RAD52: variants seen among roughly 807,000 people sequenced by gnomAD.
RAD52 encodes the protein RAD52 DNA repair protein.
In RAD52, 47 loss-of-function variants were observed where a neutral mutation model predicts 55.5. The ratio of observed to expected loss-of-function variants is 0.85; its 90% confidence interval spans 0.67 to 1.08. The LOEUF is 1.08. Among genes scored for constraint, RAD52 ranks in the 50% least tolerant of loss-of-function variants. The probability of loss-of-function intolerance (pLI) is 0.00; values close to 1 mark genes in which losing one functional copy is unlikely to be tolerated. For missense variants in RAD52, 468 were observed against 522.8 expected (o/e 0.90, Z 1.02); for synonymous variants, 184 against 198.9 (o/e 0.92, Z 0.63).
chr12:917,099 G>C (rs1956434144), intron 7 of RAD52, among the ~76,000 whole-genome samples: 1 of 152,170 alleles, frequency 6.6e-6, no homozygotes, highest in Non-Finnish European at 1.5e-5. Flanking sequence ...GTCTGTCTTT[G>C]CTGCCTCCTT....
chr12:944,608 TAAAAAAA>T (rs778682036), intron 1 of RAD52, among the ~76,000 whole-genome samples: 8 of 93,568 alleles, frequency 8.5e-5, no homozygotes, highest in African/African-American at 2.2e-4. Context: ...AAAAACATGG[TAAAAAAA>T]AAAAAAAAAA....
In RAD52 at chr12:913,359, G is replaced by A; in HGVS notation, c.*32C>T. 6.6e-7 allele frequency: 1 copy of A among 1,525,256 alleles called. No homozygotes were observed. Among genetic ancestry groups the A allele is most frequent in the Admixed American group, 1.9e-5 (1 of 53,304 alleles). The allele number at this position is 1,525,256 out of a possible 1,614,324, so 94.5% of individuals were successfully genotyped here. On this transcript the variant is annotated 3_prime_UTR_variant, in exon 12 of 12. Coordinates refer to ENST00000358495, the MANE Select transcript of RAD52 (RefSeq NM_134424.4). ...AAGTAGTTTTCCAAAGTCCCTTTGT[G>A]ACAGAGTCCAATTATGTGGCCTGAG... is the stretch of plus-strand genomic sequence containing the variant.
At chr12:941,352 CT>C (rs1367497076) in intron 1 of RAD52, among the ~76,000 whole-genome samples, 1 of 152,048 alleles carries the variant, frequency 6.6e-6, no homozygotes, top group African/African-American at 2.4e-5. Flanking sequence ...GAGTTTCACT[CT>C]TGTTGCCCAG....
chr12:985,524 TACC>T (rs1021970405), intron 1 of RAD52, among the ~76,000 whole-genome samples: 80 of 152,354 alleles, frequency 5.3e-4, no homozygotes, highest in African/African-American at 1.7e-3. Context: ...TGAAGATTTA[TACC>T]TATATTTTCT....
upstream of RAD52, among the ~76,000 whole-genome samples, chr12:990,827 C>T (rs1157912235): frequency 2.0e-5 from 3 of 151,674 alleles, no homozygotes; most frequent in African/African-American, 4.8e-5. Flanking sequence ...CACGAAGCGG[C>T]TCCTCGGGCT....
chr12:947,934 C>T (rs1565693919), intron 1 of RAD52, among the ~76,000 whole-genome samples: 1 of 116,008 alleles, frequency 8.6e-6, no homozygotes, highest in Non-Finnish European at 1.8e-5. Context: ...CGATACCAGA[C>T]CTGAGGCCAC....
chr12:929,607 G>A (rs1957218574), intron 5 of RAD52: 20 of 760,118 alleles, frequency 2.6e-5, no homozygotes, highest in Non-Finnish European at 4.1e-5. Flanking sequence ...AAACTTTTAG[G>A]TGTCAGCTTG....
chr12:959,666 C>T (rs1303491902), intron 1 of RAD52, among the ~76,000 whole-genome samples: 4 of 152,148 alleles, frequency 2.6e-5, no homozygotes, highest in Admixed American at 1.3e-4. Context: ...AAGTCCAGTG[C>T]TCCACTAGGG....
At chr12:967,478 C>T (rs550712779) in intron 1 of RAD52, among the ~76,000 whole-genome samples, 2 of 151,900 alleles carry the variant, frequency 1.3e-5, no homozygotes, top group East Asian at 3.9e-4. Flanking sequence ...CACTAGGTGG[C>T]TAGTGGGTAC....
At chr12:956,184 A>G (rs190545462) in intron 1 of RAD52, among the ~76,000 whole-genome samples, 18 of 152,296 alleles carry the variant, frequency 1.2e-4, no homozygotes, top group Admixed American at 2.0e-4. Context: ...TCTTCTGTTT[A>G]GCACTACGAC....
intron 1 of RAD52, among the ~76,000 whole-genome samples, chr12:970,774 C>T (rs921071078): frequency 2.6e-5 from 4 of 152,088 alleles, no homozygotes; most frequent in African/African-American, 9.7e-5. Context: ...AGAAAGTGAA[C>T]CAACAACCGA....
chr12:986,553 CAG>C (rs2154122180), intron 1 of RAD52, among the ~76,000 whole-genome samples: 1 of 152,110 alleles, frequency 6.6e-6, no homozygotes, highest in African/African-American at 2.4e-5. Context: ...TTTGTAGAGA[CAG>C]GGTCTCGCTG....
At chr12:918,168 C>G (rs1028089446) in intron 7 of RAD52, among the ~76,000 whole-genome samples, 4 of 152,168 alleles carry the variant, frequency 2.6e-5, no homozygotes, top group African/African-American at 9.7e-5. Flanking sequence ...AACAGCATCT[C>G]TAATCGAAAC....
At chr12:984,258 C>G (rs1338249454) in intron 1 of RAD52, among the ~76,000 whole-genome samples, 1 of 152,066 alleles carries the variant, frequency 6.6e-6, no homozygotes, top group Non-Finnish European at 1.5e-5. Context: ...TGAAGTCATG[C>G]AATCTCGGCT....
chr12:977,634 C>T (rs1357071831), intron 1 of RAD52, among the ~76,000 whole-genome samples: 4 of 152,212 alleles, frequency 2.6e-5, no homozygotes, highest in Admixed American at 2.6e-4. Flanking sequence ...TGCCTATCTA[C>T]CCACTCTAAC....
chr12:944,619 A>AAAC (rs1958101317), intron 1 of RAD52, among the ~76,000 whole-genome samples: 1 of 148,542 alleles, frequency 6.7e-6, no homozygotes, highest in Admixed American at 6.7e-5. Context: ...AAAAAAAAAA[A>AAAC]AAAAAAAAAC....
intron 11 of RAD52, 114 bp from the exon 12 acceptor site, chr12:913,566 A>C: frequency 1.1e-6 from 1 of 907,100 alleles, no homozygotes; most frequent in South Asian, 1.5e-5. Flanking sequence ...CAAGAATGAG[A>C]ATTACTGTTA....
chr12:947,250 C>T (rs1028633323), intron 1 of RAD52, among the ~76,000 whole-genome samples: 33 of 152,086 alleles, frequency 2.2e-4, no homozygotes, highest in Non-Finnish European at 1.6e-4. Context: ...CGCTTGAATC[C>T]AGGAGGCAGA....
intron 7 of RAD52, among the ~76,000 whole-genome samples, chr12:920,658 T>A (rs1232813499): frequency 6.6e-6 from 1 of 151,866 alleles, no homozygotes; most frequent in Non-Finnish European, 1.5e-5. Flanking sequence ...AAGCAAACTT[T>A]GAGAGGATTG....
Sources: allele counts gnomAD v4.1 joint callset (sites outside exome capture counted in the v4.1 genomes callset), GRCh38; gene constraint gnomAD v4.1.1; transcripts MANE v1.5; gene names NCBI Gene and HGNC (gene_info 2026-07-23, HGNC 2026-07-21).